The following HSPA4 variants were observed in gnomAD, a reference collection of about 807,000 sequenced individuals.
HSPA4 encodes heat shock protein family A (Hsp70) member 4, also known as heat shock 70 kDa protein 4.
A neutral mutation model predicts 106.2 loss-of-function variants in HSPA4; 25 were observed. The ratio of observed to expected loss-of-function variants is 0.24; its 90% CI spans 0.17 to 0.33. The LOEUF is 0.33. Among genes scored for constraint, HSPA4 ranks in the 10% least tolerant of loss-of-function variants. The probability of loss-of-function intolerance (pLI) is 1.00; values close to 1 mark genes in which losing one functional copy is unlikely to be tolerated. For synonymous variants in HSPA4, 332 were observed against 333.6 expected (o/e 1.00, Z 0.05); for missense variants, 841 against 996.0 (o/e 0.84, Z 2.10).
At chr5:133,075,391 T>A (rs1305026272) in intron 6 of HSPA4, among the ~76,000 whole-genome samples, 1 of 152,236 alleles carries the variant, frequency 6.6e-6, no homozygotes, top group African/African-American at 2.4e-5. Flanking sequence ...TTTTCTAAAT[T>A]GTCCTTCTGT....
At position 133,076,988 on chromosome 5, in the gene HSPA4, C is replaced by T. The variant is rs112007498; in HGVS notation, c.908+90C>T. The T allele has an allele frequency of 4.1e-3, 4,689 of 1,157,386 alleles. 144 individuals are homozygous for T. In the African/African-American group the frequency reaches 0.065, roughly 16 times the overall value. 71.7% of individuals were successfully genotyped at this position (1,157,386 alleles called of 1,614,324 possible). A position where few individuals can be genotyped will look rare whatever the true frequency, so the allele number is the denominator to read the frequency against. On this transcript the variant is annotated intron_variant, in intron 7 of 18. Transcript: ENST00000304858. ...AATTGGCTAATTGTTAAAATAATCACGGAGGTTATATGATAATTTTGGTTC... is the reference window on the plus strand; with the variant it reads ...AATTGGCTAATTGTTAAAATAATCATGGAGGTTATATGATAATTTTGGTTC...
rs758476386 is a variant in HSPA4, at chr5:133,092,758, C to T, written c.1619C>T (p.Ala540Val). 84 of 1,604,360 alleles carry T rather than the reference C, an allele frequency of 5.2e-5. 3 individuals carry two copies. In the Admixed American group the frequency reaches 1.3e-3, roughly 25 times the overall value. ...HVEEQQQQTPAENKAESEEME... is the reference protein window; with the variant it reads ...HVEEQQQQTPVENKAESEEME... The stretch of plus-strand genomic sequence containing the variant: ...GAAGAGCAACAGCAGCAGACACCAG[C>T]AGAAAATAAGGCAGAGTCTGAAGAA... The change falls in exon 13 of 19, where the codon GCA becomes GTA. Residue 540 changes from alanine to valine, a missense_variant. Coordinates refer to ENST00000304858, the MANE Select transcript of HSPA4 (RefSeq NM_002154.4).
At position 133,052,043 on chromosome 5, in the gene HSPA4, T is replaced by C; in HGVS notation, c.-208T>C. The C allele has an allele frequency of 1.9e-6, 1 of 527,670 alleles. No homozygotes were observed. The highest frequency in any genetic ancestry group is 3.4e-5 in the East Asian group (1 of 29,424). The allele number at this position is 527,670 out of a possible 1,614,324, so 32.7% of individuals were successfully genotyped here. ...CTTCTCCGCCCCCGCTACCGGCGCC[T>C]CCTCTGCGGCCACTGAGCCGGAGCC... On this transcript the variant is annotated 5_prime_UTR_variant, in exon 1 of 19. Coordinates refer to ENST00000304858, the MANE Select transcript of HSPA4 (RefSeq NM_002154.4).
In HSPA4 at chr5:133,052,131, C is replaced by A; in HGVS notation, c.-120C>A. On this transcript the variant is annotated 5_prime_UTR_variant, in exon 1 of 19. Coordinates refer to ENST00000304858, the MANE Select transcript of HSPA4 (RefSeq NM_002154.4). ...AGGACTTAGGCGCTCGCGTGGACAC[C>A]GCAAGCCCCTCAGTAGCCTCGGCCC... 1.5e-6 allele frequency: 1 copy of A among 678,210 alleles called. No homozygotes were observed. Among genetic ancestry groups the A allele is most frequent in the African/African-American group, 1.8e-5 (1 of 55,254 alleles). 42.0% of individuals were successfully genotyped at this position (678,210 alleles called of 1,614,324 possible).
chr5:133,066,740 T>TC (rs1765311382), intron 2 of HSPA4, among the ~76,000 whole-genome samples: 4 of 149,384 alleles, frequency 2.7e-5, no homozygotes, highest in Non-Finnish European at 4.5e-5. Context: ...TTTTTTCTTT[T>TC]TTTTTTTTTT....
At chr5:133,071,236 G>T (rs1274037308) in intron 4 of HSPA4, among the ~76,000 whole-genome samples, 1 of 130,794 alleles carries the variant, frequency 7.6e-6, no homozygotes, top group African/African-American at 2.9e-5. Context: ...AGGGCAGGAA[G>T]ATTGTTTGAG....
At chr5:133,060,857 T>C (rs1765233116) in intron 1 of HSPA4, among the ~76,000 whole-genome samples, 1 of 148,104 alleles carries the variant, frequency 6.8e-6, no homozygotes, top group African/African-American at 2.5e-5. Context: ...TCTCGCTCTG[T>C]CACTCAGGGT....
chr5:133,091,603 C>T (rs1395646360), intron 12 of HSPA4, among the ~76,000 whole-genome samples: 1 of 152,204 alleles, frequency 6.6e-6, no homozygotes, highest in Non-Finnish European at 1.5e-5. Flanking sequence ...TCATACACTT[C>T]TCAACTTGAG....
At chr5:133,054,866 G>A (rs766289930) in intron 1 of HSPA4, among the ~76,000 whole-genome samples, 8 of 152,170 alleles carry the variant, frequency 5.3e-5, no homozygotes, top group Non-Finnish European at 1.0e-4. Context: ...TGTATTTAGT[G>A]TTTTGGTCCT....
intron 3 of HSPA4, among the ~76,000 whole-genome samples, 188 bp downstream of exon 3, chr5:133,067,745 G>A (rs952550360): frequency 1.3e-5 from 2 of 152,152 alleles, no homozygotes; most frequent in Admixed American, 6.5e-5. Context: ...GGAGCCATGA[G>A]TGGTGCTCTT....
chr5:133,084,847 G>T (rs900281787), intron 7 of HSPA4, among the ~76,000 whole-genome samples: 5 of 151,908 alleles, frequency 3.3e-5, no homozygotes, highest in African/African-American at 1.2e-4. Flanking sequence ...GATACCTATT[G>T]CCCAGGCTGG....
intron 6 of HSPA4, among the ~76,000 whole-genome samples, chr5:133,075,525 T>C (rs978096686): frequency 6.6e-6 from 1 of 152,132 alleles, no homozygotes; most frequent in African/African-American, 2.4e-5. Flanking sequence ...GGCAACATGG[T>C]AAAACCCTGT....
chr5:133,056,110 A>G (rs989167186), intron 1 of HSPA4, among the ~76,000 whole-genome samples: 10 of 152,122 alleles, frequency 6.6e-5, no homozygotes, highest in African/African-American at 2.4e-4. Context: ...CTTTGAAAGA[A>G]GTACCATCTG....
intron 7 of HSPA4, among the ~76,000 whole-genome samples, chr5:133,079,170 T>C (rs1049458140): frequency 6.6e-6 from 1 of 152,228 alleles, no homozygotes; most frequent in Non-Finnish European, 1.5e-5. Context: ...AATTAAGCAT[T>C]TTAAAGTAAA....
At chr5:133,089,847 C>T (rs924174127) in intron 11 of HSPA4, 152 bp downstream of exon 11, 9 of 496,092 alleles carry the variant, frequency 1.8e-5, no homozygotes, top group Non-Finnish European at 2.8e-5. Context: ...GACCCTGTCT[C>T]CATTTAAACA....
intron 13 of HSPA4, among the ~76,000 whole-genome samples, chr5:133,095,683 A>G (rs1369155094): frequency 6.6e-6 from 1 of 152,232 alleles, no homozygotes; most frequent in Non-Finnish European, 1.5e-5. Flanking sequence ...TAGTAATTAT[A>G]TATTGATACG....
At chr5:133,090,382 G>A (rs2126711560) in intron 11 of HSPA4, among the ~76,000 whole-genome samples, 1 of 126,838 alleles carries the variant, frequency 7.9e-6, no homozygotes, top group Admixed American at 1.0e-4. Flanking sequence ...AGTGAGCTGA[G>A]ATCACGCCAC....
Position 133,073,264 on chromosome 5 carries a change from C to G in HSPA4, c.464C>G (p.Ser155Ter), listed in dbSNP as rs1351752680. The part of the protein sequence containing the change: ...PCFYTDAERR[S>*]VMDATQIAGL... ...TTCTATACTGATGCAGAAAGACGAT[C>G]AGTGATGGATGCAACACAGATTGCT... Residue 155 changes from serine to a stop codon, truncating the protein, a stop_gained, in exon 5 of 19, where the codon TCA becomes TGA. Transcript: ENST00000304858. LOFTEE classifies it high-confidence loss of function. 4 of 1,608,856 alleles carry G rather than the reference C, an allele frequency of 2.5e-6. No individual in the cohort carries two copies. Among genetic ancestry groups the G allele is most frequent in the Non-Finnish European group, 3.4e-6 (4 of 1,177,364 alleles).
intron 6 of HSPA4, among the ~76,000 whole-genome samples, chr5:133,074,509 C>T (rs1011055486): frequency 6.6e-6 from 1 of 152,160 alleles, no homozygotes; most frequent in Non-Finnish European, 1.5e-5. Context: ...AACTCCCGAC[C>T]TGAGGTGATC....
Sources: allele counts gnomAD v4.1 joint callset (sites outside exome capture counted in the v4.1 genomes callset), GRCh38; gene constraint gnomAD v4.1.1; transcripts MANE v1.5; gene names NCBI Gene and HGNC (gene_info 2026-07-23, HGNC 2026-07-21).